Variants in TAF2 observed in about 807,000 individuals in gnomAD.
TAF2 encodes the protein transcription initiation factor TFIID subunit 2.
Under a neutral mutation model 138.5 loss-of-function variants are expected in TAF2, and 61 were observed. The observed-to-expected ratio is 0.44, with a 90% CI of 0.36 to 0.54. The LOEUF is 0.54. TAF2 is among the 20% of genes least tolerant of loss of function. The probability of loss-of-function intolerance (pLI) is 0.00; values close to 1 mark genes in which losing one functional copy is unlikely to be tolerated. For synonymous variants in TAF2, 475 were observed against 469.9 expected (o/e 1.01, Z -0.14); for missense variants, 1,090 against 1,427.9 (o/e 0.76, Z 3.81).
chr8:119,741,900 C>T (rs896556848), intron 25 of TAF2, among the ~76,000 whole-genome samples: 6 of 152,184 alleles, frequency 3.9e-5, no homozygotes, highest in Non-Finnish European at 8.8e-5. Flanking sequence ...AATGTTTGCA[C>T]TTCATTTGGA....
intron 2 of TAF2, 89 bp downstream of exon 2, chr8:119,831,588 A>G: frequency 1.1e-6 from 1 of 941,276 alleles, no homozygotes. Context: ...TATCTGGAAG[A>G]CTACAAACTT....
intron 6 of TAF2, 57 bp downstream of exon 6, chr8:119,801,737 C>A (rs1454035263): frequency 6.5e-7 from 1 of 1,550,046 alleles, no homozygotes; most frequent in East Asian, 2.2e-5. Flanking sequence ...CAATATCTAT[C>A]TTTTTAAAAG....
chr8:119,738,426 G>A (rs1402718296), intron 25 of TAF2, among the ~76,000 whole-genome samples: 1 of 152,116 alleles, frequency 6.6e-6, no homozygotes, highest in Non-Finnish European at 1.5e-5. Flanking sequence ...CTGCTAAATT[G>A]TCCATTCACA....
intron 14 of TAF2, 130 bp downstream of exon 14, chr8:119,788,208 G>T: frequency 1.3e-6 from 1 of 756,116 alleles, no homozygotes; most frequent in Non-Finnish European, 2.3e-6. Context: ...TGCATGTTCT[G>T]CACATGTATC....
At chr8:119,749,711 G>A (rs944295310) in intron 22 of TAF2, among the ~76,000 whole-genome samples, 1 of 152,102 alleles carries the variant, frequency 6.6e-6, no homozygotes, top group African/African-American at 2.4e-5. Context: ...ATGATTCCAA[G>A]TCAATCAATC....
chr8:119,781,659 T>C (rs1294470918), intron 16 of TAF2, among the ~76,000 whole-genome samples: 1 of 151,352 alleles, frequency 6.6e-6, no homozygotes, highest in African/African-American at 2.4e-5. Context: ...CACTCCACCC[T>C]GGGTGACAGA....
rs1655247028 is a variant in TAF2 at position 119,788,567 on chromosome 8, G to A, written c.1684-120C>T. 5.8e-5 allele frequency: 31 copies of A among 532,884 alleles called. 1 individual carries two copies. Among genetic ancestry groups the A allele is most frequent in the Non-Finnish European group, 9.5e-5 (31 of 327,806 alleles). 33.0% of individuals were successfully genotyped at this position (532,884 alleles called of 1,614,324 possible). ...ATATTACACAAAATGAGTATCTGGA[G>A]ACCTAGATAGGCAATTGGTGCCAAA... On this transcript the variant is annotated intron_variant, in intron 13 of 25. Transcript: ENST00000378164.
chr8:119,820,256 T>C (rs1317049012), intron 2 of TAF2, among the ~76,000 whole-genome samples: 1 of 152,114 alleles, frequency 6.6e-6, no homozygotes, highest in Non-Finnish European at 1.5e-5. Context: ...GGGTTGAAAA[T>C]TGATGTACTC....
chr8:119,832,590 C>T lies in TAF2; in HGVS notation c.-26G>A. 6.2e-7 allele frequency: 1 copy of T among 1,609,568 alleles called. No homozygotes were observed. The highest frequency in any genetic ancestry group is 8.5e-7 in the Non-Finnish European group (1 of 1,178,556). On this transcript the variant is annotated 5_prime_UTR_variant, in exon 1 of 26. Transcript: ENST00000378164. ...GAAGCGGTCCCGCGGAGCTTGGCTT[C>T]CCGGCTTCCTAGGGGGATACGGGGC...
intron 2 of TAF2, among the ~76,000 whole-genome samples, chr8:119,823,055 A>G (rs1401706878): frequency 6.6e-6 from 1 of 152,072 alleles, no homozygotes; most frequent in Non-Finnish European, 1.5e-5. Context: ...CAGAAATATC[A>G]CTGTTTTTCT....
At chr8:119,795,072 C>T (rs1406496008) in intron 9 of TAF2, among the ~76,000 whole-genome samples, 1 of 151,068 alleles carries the variant, frequency 6.6e-6, no homozygotes. Flanking sequence ...ACAATGACAA[C>T]ATAAATGCAT....
intron 5 of TAF2, 75 bp from the exon 6 acceptor site, chr8:119,802,100 T>C: frequency 1.6e-6 from 2 of 1,253,016 alleles, no homozygotes; most frequent in Admixed American, 4.0e-5. Context: ...TGCAAGTTAT[T>C]TTAGCATTTC....
chr8:119,803,692 A>T, intron 5 of TAF2, among the ~76,000 whole-genome samples, 186 bp downstream of exon 5: 1 of 73,914 alleles, frequency 1.4e-5, no homozygotes, highest in Non-Finnish European at 2.6e-5. Context: ...AGACTGTCTG[A>T]AAAAAAAAAA....
At position 119,803,822 on chromosome 8, in the gene TAF2, T is replaced by C. The variant is rs1192348816; in HGVS notation, c.560+56A>G. The C allele has an allele frequency of 7.4e-6, 11 of 1,492,394 alleles. No individual in the cohort carries two copies. The African/African-American group carries it at 8.5e-5, about 11-fold the overall frequency. 92.4% of individuals were successfully genotyped at this position (1,492,394 alleles called of 1,614,324 possible). On this transcript the variant is annotated intron_variant, in intron 5 of 25. Coordinates refer to ENST00000378164, the MANE Select transcript of TAF2 (RefSeq NM_003184.4). ...TTACACCAAATGTATGTCTTGCTTA[T>C]ACATAAAAAATGCAATTTAAAAATT... is the stretch of plus-strand genomic sequence containing the variant.
In TAF2 at chr8:119,775,478, G is replaced by GA. The variant is rs558700641; in HGVS notation, c.2364+2540dup. Among the ~76,000 whole-genome samples, 307 of 151,944 alleles carry GA rather than the reference G, an allele frequency of 2.0e-3. 1 individual carries two copies. Among genetic ancestry groups the GA allele is most frequent in the Non-Finnish European group, 3.8e-3 (258 of 67,974 alleles). On this transcript the variant is annotated intron_variant, in intron 18 of 25. Transcript: ENST00000378164. ...AGCACTTTGAGAGGCCGAGGCAGGCGAATCACTTGAGGTCAGGAGTTCGAG... is the reference window on the plus strand; with the variant it reads ...AGCACTTTGAGAGGCCGAGGCAGGCGAAATCACTTGAGGTCAGGAGTTCGAG...
At chr8:119,732,279 G>A in intron 25 of TAF2, 93 bp from the exon 26 acceptor site, 1 of 1,202,886 alleles carries the variant, frequency 8.3e-7, no homozygotes, top group East Asian at 2.3e-5. Flanking sequence ...TGTAAAGAGG[G>A]ATTCCTAAGT....
At chr8:119,814,371 T>A (rs1456157413) in intron 3 of TAF2, among the ~76,000 whole-genome samples, 1 of 152,046 alleles carries the variant, frequency 6.6e-6, no homozygotes, top group Non-Finnish European at 1.5e-5. Context: ...CAATTTCTAT[T>A]ATGTGACATT....
At chr8:119,805,628 T>C (rs1456007762) in intron 4 of TAF2, among the ~76,000 whole-genome samples, 4 of 151,528 alleles carry the variant, frequency 2.6e-5, no homozygotes. Flanking sequence ...TTCCTTGAAC[T>C]CGGGAGGCAG....
At chr8:119,778,248 CCT>C (rs1822395541) in intron 17 of TAF2, 119 bp from the exon 18 acceptor site, 2 of 620,328 alleles carry the variant, frequency 3.2e-6, no homozygotes, top group Non-Finnish European at 5.7e-6. Context: ...CTGGATGGAG[CCT>C]AACACCTCCA....
Sources: gnomAD v4.1 joint callset for allele counts (sites outside exome capture counted in the v4.1 genomes callset) on GRCh38, gnomAD v4.1.1 for gene constraint, MANE v1.5 for transcripts, NCBI Gene and HGNC (gene_info 2026-07-23, HGNC 2026-07-21) for gene names.